GLDC: variants seen among roughly 807,000 people sequenced by gnomAD.
GLDC encodes glycine dehydrogenase (decarboxylating), mitochondrial.
A neutral mutation model predicts 121.3 loss-of-function variants in GLDC; 104 were observed. The ratio of observed to expected loss-of-function variants is 0.86; its 90% confidence interval spans 0.73 to 1.01. The LOEUF (loss-of-function observed/expected upper bound fraction) is 1.01, where lower values mean the gene tolerates loss of function less well. GLDC is among the 50% of genes least tolerant of loss of function. GLDC has a pLI of 0.00. For missense variants in GLDC, 1,429 were observed against 1,306.6 expected (o/e 1.09, Z -1.44); for synonymous variants, 546 against 480.6 (o/e 1.14, Z -1.78).
In GLDC at chr9:6,592,522, A is replaced by G. The variant is rs80185476; in HGVS notation, c.1402-299T>C. ...CCCTTAACCCACTTATCAGATATTG[A>G]GGAGATTTTCTTCCCTTAACCTGTA... On this transcript the variant is annotated intron_variant, in intron 10 of 24. Coordinates refer to ENST00000321612, the MANE Select transcript of GLDC (RefSeq NM_000170.3). Among the ~76,000 whole-genome samples, 3,415 of 152,290 alleles carry G rather than the reference A, an allele frequency of 0.022. 116 individuals are homozygous for G. Among genetic ancestry groups the G allele is most frequent in the African/African-American group, 0.078 (3,244 of 41,542 alleles).
At chr9:6,630,127 A>G (rs1319178136) in intron 2 of GLDC, among the ~76,000 whole-genome samples, 1 of 151,094 alleles carries the variant, frequency 6.6e-6, no homozygotes, top group Non-Finnish European at 1.5e-5. Flanking sequence ...GTTTTGAACA[A>G]TGTGCCTATA....
intron 2 of GLDC, among the ~76,000 whole-genome samples, chr9:6,643,725 G>T (rs1165446436): frequency 6.6e-6 from 1 of 151,974 alleles, no homozygotes; most frequent in African/African-American, 2.4e-5. Flanking sequence ...AATCTTATTT[G>T]TGTGTTTTTC....
intron 3 of GLDC, among the ~76,000 whole-genome samples, chr9:6,612,013 C>T (rs1170200356): frequency 6.6e-6 from 1 of 151,976 alleles, no homozygotes; most frequent in East Asian, 1.9e-4. Flanking sequence ...TTGTCTATGC[C>T]TTTTGTATGA....
chr9:6,585,894 TCTGTCCATCG>T, intron 15 of GLDC, among the ~76,000 whole-genome samples: 1 of 94,784 alleles, frequency 1.1e-5, no homozygotes, highest in Admixed American at 1.1e-4. Context: ...CTATCTATCA[TCTGTCCATCG>T]GTCCATCTGT....
intron 15 of GLDC, chr9:6,585,196 C>G (rs1587944521): frequency 1.3e-5 from 2 of 152,148 alleles, no homozygotes; most frequent in East Asian, 3.9e-4. Context: ...TTTCCTGATT[C>G]TTAGGTCAGT....
intron 3 of GLDC, among the ~76,000 whole-genome samples, chr9:6,612,802 C>T (rs1818886305): frequency 6.6e-6 from 1 of 152,118 alleles, no homozygotes; most frequent in South Asian, 2.1e-4. Flanking sequence ...GCGGAGGTTG[C>T]AGTGAGCCAA....
intron 23 of GLDC, among the ~76,000 whole-genome samples, 177 bp from the exon 24 acceptor site, chr9:6,534,965 C>T (rs1156930870): frequency 2.0e-5 from 3 of 152,120 alleles, no homozygotes; most frequent in Non-Finnish European, 2.9e-5. Context: ...AATATCAGAA[C>T]GTTATGGTAA....
rs751521889 is a variant in GLDC at position 6,589,241 on chromosome 9, C to G, written c.1534G>C (p.Val512Leu). 1.2e-5 allele frequency: 20 copies of G among 1,611,808 alleles called. No individual in the cohort carries two copies. The East Asian group carries it at 4.5e-4, about 36-fold the overall frequency. Reference sequence around the variant, plus strand: ...AGGAACGGGCTGGTCCTCTTGAACACAGACCCTGGAATACCTCTGCACTCC... The same window carrying G: ...AGGAACGGGCTGGTCCTCTTGAACAGAGACCCTGGAATACCTCTGCACTCC... ...GEECRGIPGS[V>L]FKRTSPFLTH... Residue 512 changes from valine (V) to leucine (L), a missense_variant, in exon 12 of 25, where the codon GTG (valine) becomes CTG (leucine). By Grantham distance (32) the Val-to-Leu change is conservative. Coordinates refer to ENST00000321612, the MANE Select transcript of GLDC (RefSeq NM_000170.3).
intron 20 of GLDC, 43 bp downstream of exon 20, chr9:6,553,325 G>T: frequency 6.3e-7 from 1 of 1,594,682 alleles, no homozygotes; most frequent in Non-Finnish European, 8.6e-7. Flanking sequence ...CATGCCTGAC[G>T]CCCCCACCCA....
At chr9:6,616,657 T>C (rs1268378195) in intron 3 of GLDC, among the ~76,000 whole-genome samples, 1 of 152,248 alleles carries the variant, frequency 6.6e-6, no homozygotes. Context: ...TCATCTATAA[T>C]GTCTATGTTC....
At chr9:6,597,123 C>A (rs1022097424) in intron 8 of GLDC, among the ~76,000 whole-genome samples, 1 of 152,122 alleles carries the variant, frequency 6.6e-6, no homozygotes, top group Non-Finnish European at 1.5e-5. Context: ...TACAAAAGGC[C>A]ACACATTGTA....
intron 11 of GLDC, among the ~76,000 whole-genome samples, chr9:6,589,575 A>T (rs1160070582): frequency 1.3e-5 from 2 of 148,504 alleles, no homozygotes; most frequent in East Asian, 3.9e-4. Context: ...CTACAGGTGC[A>T]TGCCACCACA....
chr9:6,602,644 T>G (rs1337541227), intron 7 of GLDC, among the ~76,000 whole-genome samples: 1 of 152,120 alleles, frequency 6.6e-6, no homozygotes, highest in Admixed American at 6.6e-5. Flanking sequence ...TGAGCCACTG[T>G]GCCCAGCAGG....
intron 3 of GLDC, among the ~76,000 whole-genome samples, chr9:6,611,048 A>G (rs913266257): frequency 6.6e-6 from 1 of 152,234 alleles, no homozygotes; most frequent in Non-Finnish European, 1.5e-5. Flanking sequence ...TATTTGTTTT[A>G]TGTTAACCAG....
intron 2 of GLDC, among the ~76,000 whole-genome samples, chr9:6,623,247 G>A (rs1159345971): frequency 7.1e-6 from 1 of 140,422 alleles, no homozygotes; most frequent in Admixed American, 7.2e-5. Context: ...AGACATGGGA[G>A]ACTTTTCATT....
intron 15 of GLDC, among the ~76,000 whole-genome samples, chr9:6,584,393 A>G (rs1458009514): frequency 6.6e-6 from 1 of 152,222 alleles, no homozygotes; most frequent in Non-Finnish European, 1.5e-5. Flanking sequence ...TAGGTCCCCT[A>G]GATTTCACTG....
At chr9:6,611,534 C>T (rs181246875) in intron 3 of GLDC, among the ~76,000 whole-genome samples, 12 of 140,682 alleles carry the variant, frequency 8.5e-5, no homozygotes, top group Admixed American at 2.3e-4. Flanking sequence ...CCAGCCTGGG[C>T]AACAGAGCAA....
intron 3 of GLDC, among the ~76,000 whole-genome samples, chr9:6,618,345 C>T (rs1439007669): frequency 1.3e-5 from 2 of 152,112 alleles, no homozygotes; most frequent in East Asian, 3.9e-4. Flanking sequence ...ATGTCCTTAA[C>T]TGCCCAGGCT....
intron 11 of GLDC, among the ~76,000 whole-genome samples, 164 bp from the exon 12 acceptor site, chr9:6,589,456 G>T (rs1345552505): frequency 6.6e-6 from 1 of 151,818 alleles, no homozygotes; most frequent in Non-Finnish European, 1.5e-5. Context: ...TTGGAGGCAG[G>T]GTCTTTCTCT....
Sources: gnomAD v4.1 joint callset for allele counts (sites outside exome capture counted in the v4.1 genomes callset) on GRCh38, gnomAD v4.1.1 for gene constraint, MANE v1.5 for transcripts, NCBI Gene and HGNC (gene_info 2026-07-23, HGNC 2026-07-21) for gene names.